The following TRIM4 variants were observed in gnomAD, a reference collection of about 807,000 sequenced individuals.
TRIM4 encodes the protein tripartite motif containing 4.
Under a neutral mutation model 33.7 loss-of-function variants are expected in TRIM4, and 29 were observed. The observed-to-expected ratio is 0.86, with a 90% CI of 0.64 to 1.17. TRIM4 has a LOEUF of 1.17. TRIM4 is among the 50% of genes most tolerant of loss of function. The probability of loss-of-function intolerance (pLI) is 0.00; values close to 1 mark genes in which losing one functional copy is unlikely to be tolerated. For missense variants in TRIM4, 554 were observed against 593.7 expected (o/e 0.93, Z 0.69); for synonymous variants, 224 against 233.0 (o/e 0.96, Z 0.35).
intron 5 of TRIM4, among the ~76,000 whole-genome samples, chr7:99,894,039 T>C (rs1438678694): frequency 2.0e-5 from 3 of 152,068 alleles, no homozygotes; most frequent in Non-Finnish European, 4.4e-5. Flanking sequence ...TATGCTCTTC[T>C]GGGATAAATC....
At chr7:99,916,492 G>A (rs1379276227) in intron 1 of TRIM4, among the ~76,000 whole-genome samples, 1 of 152,168 alleles carries the variant, frequency 6.6e-6, no homozygotes, top group Non-Finnish European at 1.5e-5. Context: ...TCTGTCCTAA[G>A]ACTACGCTTC....
intron 3 of TRIM4, 105 bp downstream of exon 3, chr7:99,908,475 TAA>T: frequency 2.3e-6 from 2 of 861,928 alleles, no homozygotes; most frequent in African/African-American, 3.4e-5. Flanking sequence ...TAGCAAGAGA[TAA>T]GACATGTCTA....
chr7:99,893,837 T>C (rs916233397), intron 5 of TRIM4, among the ~76,000 whole-genome samples: 2 of 152,144 alleles, frequency 1.3e-5, no homozygotes, highest in Non-Finnish European at 2.9e-5. Flanking sequence ...CCTCCCTGAC[T>C]CCAAATTCCC....
chr7:99,900,876 A>T (rs10808114), intron 5 of TRIM4, among the ~76,000 whole-genome samples: 97,053 of 151,976 alleles, frequency 0.64, 32,658 homozygotes, highest in African/African-American at 0.85. Flanking sequence ...TTTCTTTTTA[A>T]CACTGGTTTC....
intron 1 of TRIM4, among the ~76,000 whole-genome samples, chr7:99,911,510 A>T (rs1819442471): frequency 6.6e-6 from 1 of 152,190 alleles, no homozygotes; most frequent in South Asian, 2.1e-4. Context: ...AAATGATTAG[A>T]ACTAAAAAAT....
intron 5 of TRIM4, chr7:99,901,848 CT>C: frequency 2.1e-6 from 1 of 482,108 alleles, no homozygotes; most frequent in South Asian, 3.3e-5. Context: ...TAGGAAGCTC[CT>C]CCATAGATGG....
Position 99,908,753 on chromosome 7 carries a change from GA to G in TRIM4, c.548del (p.Phe183SerfsTer13). ...ISTEFSKLHN[F>X]LVEEEDLFLQ... Reference sequence around the variant, plus strand: ...GAAACAGGTCCTCTTCTTCAACCAGGAAGTTGTGCAGCTTTGAAAACTCCGT... The same window carrying G: ...GAAACAGGTCCTCTTCTTCAACCAGGAGTTGTGCAGCTTTGAAAACTCCGT... On this transcript the variant is annotated frameshift_variant, in exon 3 of 6. Coordinates refer to ENST00000349062, the MANE Select transcript of TRIM4 (RefSeq NM_033091.3). LOFTEE classifies it high-confidence loss of function. 1 of 1,614,082 alleles carries G rather than the reference GA, an allele frequency of 6.2e-7. No individual in the cohort carries two copies. The highest frequency in any genetic ancestry group is 8.5e-7 in the Non-Finnish European group (1 of 1,180,024).
Position 99,892,059 on chromosome 7 carries a change from A to G in TRIM4, c.*104T>C. 1 of 1,045,798 alleles carries G rather than the reference A, an allele frequency of 9.6e-7. No homozygotes were observed. The highest frequency in any genetic ancestry group is 1.4e-6 in the Non-Finnish European group (1 of 735,814). The allele number at this position is 1,045,798 out of a possible 1,614,324, so 64.8% of individuals were successfully genotyped here. On this transcript the variant is annotated 3_prime_UTR_variant, in exon 6 of 6. Coordinates refer to ENST00000349062, the MANE Select transcript of TRIM4 (RefSeq NM_033091.3). ...CGGTACCGTTAGGGAGACCCAGAAG[A>G]TGGACCATCCAGGATAGAGACATGA...
chr7:99,908,893 C>T, intron 2 of TRIM4, 81 bp from the exon 3 acceptor site: 2 of 1,324,626 alleles, frequency 1.5e-6, no homozygotes, highest in African/African-American at 1.5e-5. Context: ...CCCAGTAATC[C>T]ACAGTCAATC....
At chr7:99,910,877 T>C (rs1819425449) in intron 1 of TRIM4, among the ~76,000 whole-genome samples, 1 of 152,150 alleles carries the variant, frequency 6.6e-6, no homozygotes. Flanking sequence ...GCAGAAATGT[T>C]AGAGAAACAC....
In TRIM4 at chr7:99,892,099, C is replaced by A; in HGVS notation, c.*64G>T. 1 of 1,404,228 alleles carries A rather than the reference C, an allele frequency of 7.1e-7. No homozygotes were observed. The highest frequency in any genetic ancestry group is 9.7e-7 in the Non-Finnish European group (1 of 1,033,858). The allele number at this position is 1,404,228 out of a possible 1,614,324, so 87.0% of individuals were successfully genotyped here. A position where few individuals can be genotyped will look rare whatever the true frequency, so the allele number is the denominator to read the frequency against. On this transcript the variant is annotated 3_prime_UTR_variant, in exon 6 of 6. Coordinates refer to ENST00000349062, the MANE Select transcript of TRIM4 (RefSeq NM_033091.3). Reference sequence around the variant, plus strand: ...TAGAGACATGAAGGGCAGAAGAGGGCCCAGGGATGTGTGTCCCTCAGCTGG... The same window carrying A: ...TAGAGACATGAAGGGCAGAAGAGGGACCAGGGATGTGTGTCCCTCAGCTGG...
At chr7:99,895,719 T>C (rs893293962) in intron 5 of TRIM4, among the ~76,000 whole-genome samples, 1 of 152,248 alleles carries the variant, frequency 6.6e-6, no homozygotes, top group African/African-American at 2.4e-5. Context: ...TTTGAAGCAC[T>C]GTTAAGTGCA....
intron 2 of TRIM4, 104 bp from the exon 3 acceptor site, chr7:99,908,916 T>C: frequency 9.0e-7 from 1 of 1,105,742 alleles, no homozygotes; most frequent in Non-Finnish European, 1.3e-6. Flanking sequence ...AATCAAACCC[T>C]CTTGAAAAGC....
At chr7:99,895,156 G>A (rs981490146) in intron 5 of TRIM4, among the ~76,000 whole-genome samples, 5 of 152,146 alleles carry the variant, frequency 3.3e-5, no homozygotes, top group African/African-American at 1.2e-4. Context: ...GGAAGCTGAG[G>A]TCAGTGATTT....
At chr7:99,918,940 G>A (rs891621581) in intron 1 of TRIM4, 69 bp downstream of exon 1, 1 of 1,489,958 alleles carries the variant, frequency 6.7e-7, no homozygotes, top group Non-Finnish European at 8.9e-7. Context: ...GGCTCTTTTA[G>A]GAGCATTAAG....
At chr7:99,908,258 CTTTG>C (rs1405253045) in intron 3 of TRIM4, 9 of 211,892 alleles carry the variant, frequency 4.2e-5, no homozygotes, top group Non-Finnish European at 6.5e-5. Context: ...TTTATGCTTG[CTTTG>C]TTTTATTGTT....
chr7:99,914,048 G>C (rs1485635599), intron 1 of TRIM4, among the ~76,000 whole-genome samples: 1 of 152,158 alleles, frequency 6.6e-6, no homozygotes, highest in Admixed American at 6.5e-5. Context: ...AAGCTGGTAG[G>C]TGTACTTTGG....
intron 3 of TRIM4, 138 bp from the exon 4 acceptor site, chr7:99,903,736 T>C (rs1346052979): frequency 1.1e-6 from 1 of 907,850 alleles, no homozygotes; most frequent in African/African-American, 1.6e-5. Flanking sequence ...GCCAACAGAT[T>C]GACAGAATCT....
At chr7:99,915,504 T>C (rs180842714) in intron 1 of TRIM4, among the ~76,000 whole-genome samples, 124 of 152,308 alleles carry the variant, frequency 8.1e-4, no homozygotes, top group Middle Eastern at 3.4e-3. Flanking sequence ...GGGGATATTT[T>C]CCATGGATTT....
Sources: allele counts gnomAD v4.1 joint callset (sites outside exome capture counted in the v4.1 genomes callset), GRCh38; gene constraint gnomAD v4.1.1; transcripts MANE v1.5; gene names NCBI Gene and HGNC (gene_info 2026-07-23, HGNC 2026-07-21).